Variants in KIF15 observed in about 807,000 individuals in gnomAD.
The protein encoded by KIF15 is kinesin-like protein KIF15.
KIF15 carries 140 observed loss-of-function variants against 190.6 expected under a neutral mutation model. The ratio of observed to expected loss-of-function variants is 0.73; its 90% CI spans 0.64 to 0.84. The LOEUF (loss-of-function observed/expected upper bound fraction) is 0.84. Among genes scored for constraint, KIF15 ranks in the 40% least tolerant of loss-of-function variants. The probability of loss-of-function intolerance (pLI) is 0.00; values close to 1 mark genes in which losing one functional copy is unlikely to be tolerated. For synonymous variants in KIF15, 528 were observed against 551.3 expected, an observed-to-expected ratio of 0.96 and a Z score of 0.59; for missense variants, 1,372 against 1,584.4, an observed-to-expected ratio of 0.87 and a Z score of 2.28.
chr3:44,772,014 T>C (rs1705661605), intron 1 of KIF15, among the ~76,000 whole-genome samples: 1 of 152,246 alleles, frequency 6.6e-6, no homozygotes, highest in African/African-American at 2.4e-5. Context: ...AACTAAAAGG[T>C]ACCACAGCTC....
intron 22 of KIF15, 149 bp from the exon 23 acceptor site, chr3:44,827,310 C>G (rs1173868679): frequency 1.7e-6 from 1 of 586,986 alleles, no homozygotes; most frequent in South Asian, 2.3e-5. Flanking sequence ...GAAATGGGTT[C>G]AAATTTCTGA....
chr3:44,817,033 T>G (rs1708061328), intron 20 of KIF15, among the ~76,000 whole-genome samples: 1 of 143,706 alleles, frequency 7.0e-6, no homozygotes, highest in East Asian at 2.0e-4. Context: ...TGCATAAATG[T>G]TTTTTTTTTG....
At position 44,805,927 on chromosome 3, in the gene KIF15, A is replaced by G. The variant is rs925929982; in HGVS notation, c.1912A>G (p.Lys638Glu). Reference sequence around the variant, plus strand: ...TCTTGAAAACCTTTTGGAAGCAACAAAAGCCTGCAAGCGGCAAGAAGTTTC... The same window carrying G: ...TCTTGAAAACCTTTTGGAAGCAACAGAAGCCTGCAAGCGGCAAGAAGTTTC... Reference protein sequence around the residue: ...LNLENLLEATKACKRQEVSQL... With the variant: ...LNLENLLEATEACKRQEVSQL... The change falls in exon 16 of 35, where the codon AAA (lysine) becomes GAA (glutamate). Residue 638 changes from lysine to glutamate, a missense_variant. Transcript: ENST00000326047. 1 of 1,614,194 alleles carries G rather than the reference A, an allele frequency of 6.2e-7. No homozygotes were observed. Among genetic ancestry groups the G allele is most frequent in the Non-Finnish European group, 8.5e-7 (1 of 1,180,028 alleles).
intron 6 of KIF15, among the ~76,000 whole-genome samples, chr3:44,861,545 T>C (rs937109042): frequency 6.6e-6 from 1 of 152,174 alleles, no homozygotes; most frequent in Non-Finnish European, 1.5e-5. Flanking sequence ...TCGACGTGGA[T>C]GGACTCGGTG....
chr3:44,838,747 CAA>C (rs779928383), intron 27 of KIF15, among the ~76,000 whole-genome samples: 53 of 74,326 alleles, frequency 7.1e-4, no homozygotes, highest in African/African-American at 7.7e-4. Context: ...GACCCTGTCT[CAA>C]AAAAAAAAAA....
At chr3:44,836,064 G>A (rs2125707145) in intron 26 of KIF15, among the ~76,000 whole-genome samples, 1 of 152,202 alleles carries the variant, frequency 6.6e-6, no homozygotes, top group South Asian at 2.1e-4. Context: ...AACAAAAGGA[G>A]GGATGGGCAC....
At chr3:44,865,023 C>T (rs777681720) in intron 6 of KIF15, 2 of 1,613,816 alleles carry the variant, frequency 1.2e-6, no homozygotes, top group Non-Finnish European at 1.7e-6. Flanking sequence ...TCCCTCACAG[C>T]TATCTTTGTC....
chr3:44,844,558 G>A (rs1233716552), intron 30 of KIF15, among the ~76,000 whole-genome samples: 2 of 152,044 alleles, frequency 1.3e-5, no homozygotes, highest in African/African-American at 2.4e-5. Flanking sequence ...TTAAAATACC[G>A]TATTTCAGAG....
downstream of KIF15, among the ~76,000 whole-genome samples, chr3:44,853,510 T>A (rs1699134095): frequency 6.6e-6 from 1 of 152,250 alleles, no homozygotes; most frequent in Non-Finnish European, 1.5e-5. Flanking sequence ...GAGCTATAAA[T>A]GTTCATGTGT....
chr3:44,828,239 A>AGAGCTT lies in KIF15; in HGVS notation c.2884_2889dup (p.Ser962_Leu963dup). 6.2e-7 allele frequency: 1 copy of AGAGCTT among 1,613,622 alleles called. No individual in the cohort carries two copies. Among genetic ancestry groups the AGAGCTT allele is most frequent in the South Asian group, 1.1e-5 (1 of 91,076 alleles). On this transcript the variant is annotated inframe_insertion, in exon 24 of 35. Transcript: ENST00000326047. ...ATGGCAAAAGTACAGAAACTAGAAG[A>AGAGCTT]GAGCTTGCTTGCTACTGAAAAAGTG...
In KIF15 at chr3:44,761,841, T is replaced by G. The variant is rs753698956; in HGVS notation, c.-25T>G. On this transcript the variant is annotated 5_prime_UTR_variant, in exon 1 of 35. Transcript: ENST00000326047. ...AGGTGGAGGCACCGGCTGCATTGTTTTCGGGATCGAGGGGTGAGGGCGCTA... is the reference window on the plus strand; with the variant it reads ...AGGTGGAGGCACCGGCTGCATTGTTGTCGGGATCGAGGGGTGAGGGCGCTA... The G allele has an allele frequency of 5.6e-6, 9 of 1,614,044 alleles. No individual in the cohort carries two copies. Among genetic ancestry groups the G allele is most frequent in the Non-Finnish European group, 7.6e-6 (9 of 1,180,044 alleles).
At chr3:44,821,338 C>T (rs1022060575) in intron 20 of KIF15, among the ~76,000 whole-genome samples, 6 of 151,426 alleles carry the variant, frequency 4.0e-5, no homozygotes, top group South Asian at 2.1e-4. Context: ...GGGGTGGCTG[C>T]GGGGCGGTGA....
chr3:44,793,062 C>T (rs1450313673), intron 7 of KIF15, among the ~76,000 whole-genome samples: 2 of 152,174 alleles, frequency 1.3e-5, no homozygotes, highest in Non-Finnish European at 2.9e-5. Flanking sequence ...GGCCCCACCT[C>T]ACACTGAATC....
At chr3:44,765,089 T>C (rs1411805981) in intron 1 of KIF15, among the ~76,000 whole-genome samples, 1 of 152,256 alleles carries the variant, frequency 6.6e-6, no homozygotes, top group Non-Finnish European at 1.5e-5. Context: ...CACTTCTCAA[T>C]GATGTTTCCT....
At chr3:44,822,738 C>G (rs1013092418) in intron 20 of KIF15, among the ~76,000 whole-genome samples, 42 of 152,158 alleles carry the variant, frequency 2.8e-4, no homozygotes, top group African/African-American at 9.4e-4. Flanking sequence ...TCTCTTCTCG[C>G]TTTATTTCAT....
intron 3 of KIF15, among the ~76,000 whole-genome samples, chr3:44,777,680 C>T (rs1435795896): frequency 6.6e-6 from 1 of 152,070 alleles, no homozygotes; most frequent in Non-Finnish European, 1.5e-5. Context: ...AGTGAGACTC[C>T]ATCTCAAAAA....
At chr3:44,850,929 T>C (rs1363753857) in intron 32 of KIF15, among the ~76,000 whole-genome samples, 1 of 152,206 alleles carries the variant, frequency 6.6e-6, no homozygotes, top group East Asian at 1.9e-4. Flanking sequence ...TAATAATACA[T>C]CATTTCAACA....
At chr3:44,768,623 G>C (rs1475447165) in intron 1 of KIF15, among the ~76,000 whole-genome samples, 1 of 152,158 alleles carries the variant, frequency 6.6e-6, no homozygotes, top group Non-Finnish European at 1.5e-5. Context: ...CCCGGCAGGC[G>C]TTTGGCTGTC....
rs778114150 is a variant in KIF15 at position 44,797,966 on chromosome 3, T to C, written c.1098+10T>C. On this transcript the variant is annotated intron_variant, in intron 10 of 34. Coordinates refer to ENST00000326047, the MANE Select transcript of KIF15 (RefSeq NM_020242.3). ...GCTGATTAAAAACAAGGTAAAATAC[T>C]GGCGTATACTTCATTAAATAAATGA... 1.3e-6 allele frequency: 2 copies of C among 1,589,768 alleles called. No homozygotes were observed.
Sources: allele counts gnomAD v4.1 joint callset (sites outside exome capture counted in the v4.1 genomes callset), GRCh38; gene constraint gnomAD v4.1.1; transcripts MANE v1.5; gene names NCBI Gene and HGNC (gene_info 2026-07-23, HGNC 2026-07-21).